The following ZNF536 variants were observed in gnomAD, a reference collection of about 807,000 sequenced individuals.
ZNF536 encodes the protein zinc finger protein 536.
Under a neutral mutation model 84.5 loss-of-function variants are expected in ZNF536, and 13 were observed. The ratio of observed to expected loss-of-function variants is 0.15; its 90% CI spans 0.10 to 0.24. The LOEUF is 0.24. Among genes scored for constraint, ZNF536 ranks in the 10% least tolerant of loss-of-function variants. The pLI is 1.00. For synonymous variants in ZNF536, 811 were observed against 742.5 expected, an observed-to-expected ratio of 1.09 and a Z score of -1.50; for missense variants, 1,536 against 1,747.5, an observed-to-expected ratio of 0.88 and a Z score of 2.16.
Position 30,228,809 on chromosome 19 carries a change from C to T in ZNF536, c.-190+136C>T, listed in dbSNP as rs1165969459. 6.6e-6 allele frequency: 1 copy of T among 150,936 alleles called. No homozygotes were observed. The highest frequency in any genetic ancestry group is 2.4e-5 in the African/African-American group (1 of 41,050). The allele number at this position is 150,936 out of a possible 1,614,324, so 9.3% of individuals were successfully genotyped here. Reference sequence around the variant, plus strand: ...GGCGGCTGGGCGGCGGGAGGACGGCCTCCGCGGGCTCCGGGACTGCCCGGC... The same window carrying T: ...GGCGGCTGGGCGGCGGGAGGACGGCTTCCGCGGGCTCCGGGACTGCCCGGC... On this transcript the variant is annotated intron_variant, in intron 1 of 5. Coordinates refer to the ZNF536 transcript ENST00000585628. The surrounding 1 kb of genome is among the most constrained non-coding windows in gnomAD (Gnocchi z 4.5).
At chr19:30,337,213 C>T (rs1225392385) in intron 2 of ZNF536, among the ~76,000 whole-genome samples, 2 of 152,170 alleles carry the variant, frequency 1.3e-5, no homozygotes, top group Non-Finnish European at 2.9e-5. Context: ...GCTAGGAAAG[C>T]CAAGGCTGGC....
intron 1 of ZNF536, among the ~76,000 whole-genome samples, chr19:30,674,394 G>A (rs2050677844): frequency 6.6e-6 from 1 of 152,246 alleles, no homozygotes; most frequent in Non-Finnish European, 1.5e-5. Context: ...GTAAAAGACT[G>A]AAAGACTCTT....
intron 1 of ZNF536, among the ~76,000 whole-genome samples, chr19:30,232,999 G>A (rs1205847969): frequency 6.6e-6 from 1 of 152,212 alleles, no homozygotes; most frequent in Non-Finnish European, 1.5e-5. Flanking sequence ...GTCAGCTGTG[G>A]TCCTACCTTT....
chr19:30,268,485 C>T (rs2025644083), intron 1 of ZNF536, among the ~76,000 whole-genome samples: 1 of 152,174 alleles, frequency 6.6e-6, no homozygotes, highest in Non-Finnish European at 1.5e-5. Context: ...TGACAGGGTG[C>T]TTCTCGACCC....
Position 30,431,096 on chromosome 19 carries a change from T to C in ZNF536, c.-2-12465T>C, listed in dbSNP as rs539008479. Among the ~76,000 whole-genome samples the C allele has an allele frequency of 4.7e-4, 72 of 152,324 alleles. 1 individual carries two copies. Among genetic ancestry groups the C allele is most frequent in the South Asian group, 2.5e-3 (12 of 4,824 alleles). ...GATCACGGTTCGAAATTGGTCTTTG[T>C]CCCTGGAATCCATCTATGGCAGGAA... is the stretch of plus-strand genomic sequence containing the variant. On this transcript the variant is annotated intron_variant, in intron 1 of 4. Transcript: ENST00000355537.
rs535752748 is a variant in ZNF536, at chr19:30,343,938, A to T, written c.-119-8430A>T. On this transcript the variant is annotated intron_variant, in intron 2 of 5. Coordinates refer to the ZNF536 transcript ENST00000585628. ...TCCCTGTTTCAGTCCTTAAAAAAAAACTTATTTCAGTCCTTTTTAAGGTAA... is the reference window on the plus strand; with the variant it reads ...TCCCTGTTTCAGTCCTTAAAAAAAATCTTATTTCAGTCCTTTTTAAGGTAA... Among the ~76,000 whole-genome samples the T allele has an allele frequency of 2.0e-5, 3 of 152,178 alleles. No individual in the cohort carries two copies. The South Asian group carries it at 6.2e-4, about 32-fold the overall frequency.
At chr19:30,484,622 G>A (rs1229106555) in intron 2 of ZNF536, among the ~76,000 whole-genome samples, 1 of 151,056 alleles carries the variant, frequency 6.6e-6, no homozygotes, top group Non-Finnish European at 1.5e-5. Flanking sequence ...GGACCCATGA[G>A]CTTCTTGTTT....
At chr19:30,387,907 G>A (rs757379897) in intron 1 of ZNF536, among the ~76,000 whole-genome samples, 5 of 152,188 alleles carry the variant, frequency 3.3e-5, no homozygotes, top group Non-Finnish European at 7.3e-5. Flanking sequence ...AGGCTGGTTG[G>A]TCAGTGGGCT....
At chr19:30,713,111 T>TC (rs1386202827) in exon 2 of ZNF536, 2 of 152,168 alleles carry the variant, frequency 1.3e-5, no homozygotes. Context: ...ACTGGGAACA[T>TC]CCCCTCTTCT....
At chr19:30,640,510 A>T (rs974646043) in intron 1 of ZNF536, among the ~76,000 whole-genome samples, 24 of 152,270 alleles carry the variant, frequency 1.6e-4, no homozygotes, top group African/African-American at 5.8e-4. Context: ...GGGGAAGAAG[A>T]TTATCTCCCC....
At chr19:30,356,844 T>G (rs913612832) in intron 3 of ZNF536, among the ~76,000 whole-genome samples, 1 of 152,240 alleles carries the variant, frequency 6.6e-6, no homozygotes, top group Non-Finnish European at 1.5e-5. Flanking sequence ...ATGTGGGATC[T>G]GAGGCCAGAG....
chr19:30,494,929 G>C (rs925912722), intron 2 of ZNF536, among the ~76,000 whole-genome samples: 1 of 132,108 alleles, frequency 7.6e-6, no homozygotes, highest in Non-Finnish European at 1.5e-5. Context: ...CTGGGCAACA[G>C]AGTGAGACTC....
chr19:30,309,472 T>C (rs2046434784), intron 2 of ZNF536, among the ~76,000 whole-genome samples: 1 of 152,236 alleles, frequency 6.6e-6, no homozygotes, highest in Non-Finnish European at 1.5e-5. Flanking sequence ...GCACACTTTT[T>C]CACTGGTATT....
chr19:30,324,406 A>C (rs536879287), intron 2 of ZNF536, among the ~76,000 whole-genome samples: 2 of 152,164 alleles, frequency 1.3e-5, no homozygotes, highest in African/African-American at 4.8e-5. Flanking sequence ...TATTTCAGGT[A>C]GGATCTCGCT....
chr19:30,264,452 TG>T (rs2025396865), intron 1 of ZNF536, among the ~76,000 whole-genome samples: 2 of 150,794 alleles, frequency 1.3e-5, no homozygotes, highest in Non-Finnish European at 3.0e-5. Context: ...CGCATGTGTG[TG>T]TGTTATTGTT....
At chr19:30,500,125 T>G (rs961230698) in intron 2 of ZNF536, among the ~76,000 whole-genome samples, 20 of 152,232 alleles carry the variant, frequency 1.3e-4, no homozygotes, top group African/African-American at 4.6e-4. Flanking sequence ...AACAGGTGTT[T>G]TCTTGGGATG....
intron 2 of ZNF536, among the ~76,000 whole-genome samples, chr19:30,289,693 C>T (rs189081976): frequency 2.0e-5 from 3 of 152,266 alleles, no homozygotes; most frequent in South Asian, 2.1e-4. Context: ...TTTCTTCAGT[C>T]GCCTCTGAGC....
intron 2 of ZNF536, among the ~76,000 whole-genome samples, chr19:30,533,292 G>A (rs1050966262): frequency 3.9e-5 from 6 of 152,086 alleles, no homozygotes; most frequent in Admixed American, 6.5e-5. Flanking sequence ...AGGCTGAGGC[G>A]GAAAGATTGC....
chr19:30,431,992 C>CATATATATATATATATATAT (rs561025363), intron 1 of ZNF536, among the ~76,000 whole-genome samples: 8 of 144,598 alleles, frequency 5.5e-5, no homozygotes, highest in African/African-American at 2.1e-4. Context: ...TCATTAAAAG[C>CATATATATATATATATATAT]ATATATATAT....
Sources: allele counts gnomAD v4.1 joint callset (sites outside exome capture counted in the v4.1 genomes callset), GRCh38; gene constraint gnomAD v4.1.1; non-coding constraint Gnocchi (gnomAD v3.1); transcripts MANE v1.5; gene names NCBI Gene and HGNC (gene_info 2026-07-23, HGNC 2026-07-21).